CPAMD8: variants seen among roughly 807,000 people sequenced by gnomAD.
CPAMD8 encodes the protein C3 and PZP like alpha-2-macroglobulin domain containing 8.
Under a neutral mutation model 224.7 loss-of-function variants are expected in CPAMD8, and 146 were observed. The observed-to-expected ratio is 0.65, with a 90% CI of 0.57 to 0.75. The LOEUF is 0.75. CPAMD8 is among the 30% of genes least tolerant of loss of function. CPAMD8 has a pLI of 0.00. For synonymous variants in CPAMD8, 966 were observed against 1,044.6 expected, an observed-to-expected ratio of 0.92 and a Z score of 1.45; for missense variants, 2,301 against 2,537.5, an observed-to-expected ratio of 0.91 and a Z score of 2.00.
At chr19:16,974,505 G>A (rs1224466890) in intron 17 of CPAMD8, among the ~76,000 whole-genome samples, 2 of 151,768 alleles carry the variant, frequency 1.3e-5, no homozygotes, top group African/African-American at 4.8e-5. Flanking sequence ...AGCTCCCAAT[G>A]AGAAGGTTTT....
At chr19:16,939,648 G>A (rs144039521) in intron 22 of CPAMD8, among the ~76,000 whole-genome samples, 82 of 152,252 alleles carry the variant, frequency 5.4e-4, no homozygotes, top group African/African-American at 1.9e-3. Flanking sequence ...TAGGGCACAC[G>A]GCCCTCTCCA....
chr19:16,894,521 ACGG>A, intron 41 of CPAMD8: 2 of 454,656 alleles, frequency 4.4e-6, no homozygotes, highest in South Asian at 3.1e-5. Flanking sequence ...ACCCAACTCC[ACGG>A]GGCTCAGGCC....
intron 1 of CPAMD8, among the ~76,000 whole-genome samples, chr19:17,024,892 G>A (rs1014971055): frequency 6.6e-6 from 1 of 152,208 alleles, no homozygotes. Flanking sequence ...AAATCTCTCA[G>A]GTGACAGAAG....
At chr19:16,915,505 C>T (rs1039906443) in intron 27 of CPAMD8, among the ~76,000 whole-genome samples, 14 of 152,128 alleles carry the variant, frequency 9.2e-5, no homozygotes, top group Admixed American at 7.9e-4. Flanking sequence ...CTCTCCAGCC[C>T]GTTTTCTGTT....
At chr19:16,904,613 G>T in intron 30 of CPAMD8, 61 bp from the exon 31 acceptor site, 2 of 1,167,282 alleles carry the variant, frequency 1.7e-6, no homozygotes, top group South Asian at 1.2e-5. Context: ...GGCATCCCAT[G>T]GAGCGCATCC....
chr19:17,012,319 A>G (rs1027516569), intron 3 of CPAMD8, among the ~76,000 whole-genome samples: 1 of 145,370 alleles, frequency 6.9e-6, no homozygotes, highest in Admixed American at 7.0e-5. Context: ...GCACCCGGCC[A>G]TATCTTTTTT....
rs1480909064 is a variant in CPAMD8, at chr19:16,898,419, C to CTT, written c.4849-427_4849-426dup. On this transcript the variant is annotated intron_variant, in intron 37 of 41. Coordinates refer to ENST00000443236, the MANE Select transcript of CPAMD8 (RefSeq NM_015692.5). The surrounding 1 kb of genome is among the most constrained non-coding windows in gnomAD (Gnocchi z 4.2). The stretch of plus-strand genomic sequence containing the variant: ...GGTCCCATTTTTTATTCTTTGGGTC[C>CTT]TTCCATCCCACTGGGAAAACGTCTC... Among the ~76,000 whole-genome samples the CTT allele has an allele frequency of 6.6e-6, 1 of 152,038 alleles. No homozygotes were observed. Among genetic ancestry groups the CTT allele is most frequent in the Non-Finnish European group, 1.5e-5 (1 of 67,986 alleles).
chr19:16,904,309 G>A lies in CPAMD8; in HGVS notation c.4168C>T (p.Leu1390=). ...GGCAGGGCGGCAGCCACGTCACCCA[G>A]CAGAGTGTAGGTCAGAAGGGCGTAG... ...TAYALLTYTL[L]GDVAAALPVV... The change falls in exon 32 of 42, where the codon CTG becomes TTG. Residue 1390 remains leucine (L), a synonymous_variant. Coordinates refer to ENST00000443236, the MANE Select transcript of CPAMD8 (RefSeq NM_015692.5). The A allele has an allele frequency of 6.2e-7, 1 of 1,613,758 alleles. No individual in the cohort carries two copies. Among genetic ancestry groups the A allele is most frequent in the East Asian group, 2.2e-5 (1 of 44,878 alleles).
At chr19:16,949,057 G>A (rs1194563274) in intron 20 of CPAMD8, among the ~76,000 whole-genome samples, 1 of 139,494 alleles carries the variant, frequency 7.2e-6, no homozygotes, top group Non-Finnish European at 1.6e-5. Flanking sequence ...CGGGAGGGGG[G>A]GAGGGAGGGA....
At chr19:17,004,697 C>T (rs1249140357) in intron 7 of CPAMD8, among the ~76,000 whole-genome samples, 1 of 152,118 alleles carries the variant, frequency 6.6e-6, no homozygotes, top group Non-Finnish European at 1.5e-5. Context: ...TGAGCCAGCC[C>T]GGCTCATTCA....
At position 16,928,939 on chromosome 19, in the gene CPAMD8, T is replaced by A; in HGVS notation, c.3144+3A>T. ...ACAAGCCCCAGGCAGTTCTGCTGTA[T>A]ACCTGGATAAGGCCACCACGCCAGC... On this transcript the variant is annotated splice_donor_region_variant and intron_variant, in intron 24 of 41. Transcript: ENST00000443236. The A allele has an allele frequency of 6.3e-7, 1 of 1,595,388 alleles. No individual in the cohort carries two copies. Among genetic ancestry groups the A allele is most frequent in the Non-Finnish European group, 8.6e-7 (1 of 1,169,532 alleles).
At chr19:16,953,794 A>G (rs2054376562) in intron 19 of CPAMD8, among the ~76,000 whole-genome samples, 1 of 152,174 alleles carries the variant, frequency 6.6e-6, no homozygotes, top group South Asian at 2.1e-4. Flanking sequence ...AAAAACAGCA[A>G]CATGATTCAA....
At chr19:16,937,650 CTTTTT>C (rs550702792) in intron 23 of CPAMD8, among the ~76,000 whole-genome samples, 5 of 116,808 alleles carry the variant, frequency 4.3e-5, no homozygotes, top group African/African-American at 1.3e-4. Flanking sequence ...TAACTTCATA[CTTTTT>C]TTTTTTTTTT....
chr19:16,940,635 C>G (rs2053856715), intron 22 of CPAMD8, among the ~76,000 whole-genome samples: 1 of 152,164 alleles, frequency 6.6e-6, no homozygotes. Context: ...CTGATGAGTC[C>G]AGGAGATGCT....
Position 17,017,139 on chromosome 19 carries a change from T to A in CPAMD8, c.267+3192A>T, listed in dbSNP as rs35406493. Among the ~76,000 whole-genome samples the A allele has an allele frequency of 1.2e-3, 187 of 152,258 alleles. 1 individual carries two copies. In the East Asian group the frequency reaches 0.028, roughly 23 times the overall value. On this transcript the variant is annotated intron_variant, in intron 3 of 41. Transcript: ENST00000443236. Reference sequence around the variant, plus strand: ...GTGGCATTAGATTCTCATAGGAGTGTGAACCCTATTGTGAACTGTGCATGG... The same window carrying A: ...GTGGCATTAGATTCTCATAGGAGTGAGAACCCTATTGTGAACTGTGCATGG...
chr19:16,905,239 C>T (rs1225096579), intron 30 of CPAMD8, among the ~76,000 whole-genome samples: 2 of 151,132 alleles, frequency 1.3e-5, no homozygotes. Flanking sequence ...CAGAGTGAGA[C>T]TGTCTCAATA....
intron 2 of CPAMD8, among the ~76,000 whole-genome samples, chr19:17,021,505 G>A (rs1232830743): frequency 6.6e-6 from 1 of 152,212 alleles, no homozygotes; most frequent in Non-Finnish European, 1.5e-5. Context: ...TCCCCTGGGA[G>A]ATTACAGCTT....
At chr19:16,900,748 A>G (rs1381056226) in intron 36 of CPAMD8, among the ~76,000 whole-genome samples, 3 of 151,958 alleles carry the variant, frequency 2.0e-5, no homozygotes, top group East Asian at 1.9e-4. Flanking sequence ...ATAGTGGCTC[A>G]TGTCTGTAAC....
At chr19:16,965,279 C>T (rs184643729) in intron 18 of CPAMD8, among the ~76,000 whole-genome samples, 2 of 151,938 alleles carry the variant, frequency 1.3e-5, no homozygotes, top group Non-Finnish European at 2.9e-5. Flanking sequence ...AGGTCTTCGA[C>T]AAAATTCAAC....
Sources: allele counts gnomAD v4.1 joint callset (sites outside exome capture counted in the v4.1 genomes callset), GRCh38; gene constraint gnomAD v4.1.1; non-coding constraint Gnocchi (gnomAD v3.1); transcripts MANE v1.5; gene names NCBI Gene and HGNC (gene_info 2026-07-23, HGNC 2026-07-21).